The following ZNF704 variants were observed in gnomAD, a reference collection of about 807,000 sequenced individuals.
ZNF704 encodes zinc finger protein 704.
ZNF704 carries 10 observed loss-of-function variants against 44.7 expected under a neutral mutation model. The observed-to-expected ratio is 0.22, with a 90% CI of 0.14 to 0.38. ZNF704 has a LOEUF of 0.38. Ranked by LOEUF, ZNF704 falls within the 10% of genes least tolerant of loss-of-function variation. The pLI, the probability that ZNF704 is intolerant of heterozygous loss-of-function variation, is 1.00. For missense variants in ZNF704, 390 were observed against 545.5 expected (o/e 0.71, Z 2.84); for synonymous variants, 211 against 207.6 (o/e 1.02, Z -0.14).
At chr8:80,838,406 C>T (rs1011533713) in intron 1 of ZNF704, among the ~76,000 whole-genome samples, 5 of 152,102 alleles carry the variant, frequency 3.3e-5, no homozygotes, top group African/African-American at 1.2e-4. Context: ...CCAACTGAAT[C>T]CTTTCTTTCA....
chr8:80,702,648 G>A (rs1225961771), intron 2 of ZNF704, among the ~76,000 whole-genome samples: 2 of 152,114 alleles, frequency 1.3e-5, no homozygotes, highest in Non-Finnish European at 2.9e-5. Flanking sequence ...ATCTTGATGG[G>A]GTCAAAATCA....
chr8:80,645,206 C>T (rs142993231), intron 7 of ZNF704: 30 of 1,562,250 alleles, frequency 1.9e-5, no homozygotes, highest in Admixed American at 1.3e-4. Context: ...AGCCCCGCGC[C>T]GCCAACCTCC....
At chr8:80,643,440 C>A (rs1316207786) in intron 7 of ZNF704, among the ~76,000 whole-genome samples, 4 of 149,860 alleles carry the variant, frequency 2.7e-5, no homozygotes, top group African/African-American at 9.9e-5. Context: ...ACTGCTTGAA[C>A]CCCGGGGCGG....
chr8:80,853,288 G>C (rs1808901340), intron 1 of ZNF704, among the ~76,000 whole-genome samples: 1 of 152,116 alleles, frequency 6.6e-6, no homozygotes, highest in Non-Finnish European at 1.5e-5. Context: ...GGGCCGCTTG[G>C]GCCCAGGAGG....
intron 2 of ZNF704, among the ~76,000 whole-genome samples, chr8:80,740,489 T>G (rs948005776): frequency 6.6e-6 from 1 of 152,162 alleles, no homozygotes; most frequent in Non-Finnish European, 1.5e-5. Flanking sequence ...GCCCAAGGCC[T>G]AGTAAAACCA....
intron 1 of ZNF704, among the ~76,000 whole-genome samples, chr8:80,871,785 A>G (rs929127124): frequency 6.6e-6 from 1 of 152,252 alleles, no homozygotes; most frequent in African/African-American, 2.4e-5. Flanking sequence ...ATCTCTTCAG[A>G]TACAGTGTCT....
chr8:80,723,025 C>T (rs967432620), intron 2 of ZNF704, among the ~76,000 whole-genome samples: 15 of 152,106 alleles, frequency 9.9e-5, no homozygotes, highest in Non-Finnish European at 1.2e-4. Context: ...GAAAGATAAC[C>T]TAGAAATAAT....
At chr8:80,766,134 G>T (rs533293854) in intron 2 of ZNF704, among the ~76,000 whole-genome samples, 10 of 151,842 alleles carry the variant, frequency 6.6e-5, no homozygotes, top group Non-Finnish European at 1.3e-4. Context: ...TATTATTCTA[G>T]TGGGTCTTTA....
At chr8:80,795,623 C>T (rs1008476282) in intron 2 of ZNF704, among the ~76,000 whole-genome samples, 1 of 151,210 alleles carries the variant, frequency 6.6e-6, no homozygotes, top group African/African-American at 2.4e-5. Context: ...GAGGCTGCGG[C>T]AGGAGAGTCA....
rs527352553 is a variant in ZNF704, at chr8:80,693,443, G to A, written c.222-336C>T. On this transcript the variant is annotated intron_variant, in intron 2 of 8. Coordinates refer to ENST00000327835, the MANE Select transcript of ZNF704 (RefSeq NM_001033723.3). Reference sequence around the variant, plus strand: ...CTTGCTTTCATGGAGCCTAGAGGACGGTGGGAAGCAACACACTTATCAGGA... The same window carrying A: ...CTTGCTTTCATGGAGCCTAGAGGACAGTGGGAAGCAACACACTTATCAGGA... 5.3e-5 allele frequency among the ~76,000 whole-genome samples: 8 copies of A among 152,256 alleles called. No homozygotes were observed. The East Asian group carries it at 7.7e-4, about 15-fold the overall frequency.
chr8:80,850,673 A>G (rs1215277891), intron 1 of ZNF704, among the ~76,000 whole-genome samples: 1 of 152,126 alleles, frequency 6.6e-6, no homozygotes, highest in Non-Finnish European at 1.5e-5. Flanking sequence ...CTTAGCTCTA[A>G]TATCATTTAC....
chr8:80,771,205 T>C (rs1396869577), intron 2 of ZNF704, among the ~76,000 whole-genome samples: 1 of 152,188 alleles, frequency 6.6e-6, no homozygotes, highest in African/African-American at 2.4e-5. Flanking sequence ...ACTTTCCATA[T>C]AAATTTTTGA....
chr8:80,704,582 C>T (rs1270680866), intron 2 of ZNF704, among the ~76,000 whole-genome samples: 1 of 152,154 alleles, frequency 6.6e-6, no homozygotes, highest in Non-Finnish European at 1.5e-5. Context: ...GCACCGACCC[C>T]GACCCCAACC....
At position 80,862,096 on chromosome 8, in the gene ZNF704, C is replaced by T. The variant is rs532196725; in HGVS notation, c.-22+12475G>A. Among the ~76,000 whole-genome samples, 14 of 148,188 alleles carry T rather than the reference C, an allele frequency of 9.4e-5. 1 individual carries two copies. Among genetic ancestry groups the T allele is most frequent in the African/African-American group, 2.3e-4 (9 of 39,790 alleles). Reference sequence around the variant, plus strand: ...TTGGCTCACTGCAACCTCTGCCTCCCGGGTTCAAGCAATTCTCCTGTCTCA... The same window carrying T: ...TTGGCTCACTGCAACCTCTGCCTCCTGGGTTCAAGCAATTCTCCTGTCTCA... On this transcript the variant is annotated intron_variant, in intron 1 of 8. Coordinates refer to ENST00000327835, the MANE Select transcript of ZNF704 (RefSeq NM_001033723.3).
At chr8:80,732,952 TAAAAAA>T (rs59640222) in intron 2 of ZNF704, among the ~76,000 whole-genome samples, 1 of 78,658 alleles carries the variant, frequency 1.3e-5, no homozygotes. Context: ...AGACCTTGCC[TAAAAAA>T]AAAAAAAAAA....
chr8:80,629,483 A>T lies in ZNF704; in HGVS notation c.*11883T>A, dbSNP rs1465499282. 6.6e-6 allele frequency: 1 copy of T among 152,242 alleles called. No individual in the cohort carries two copies. The highest frequency in any genetic ancestry group is 1.5e-5 in the Non-Finnish European group (1 of 68,038). The allele number at this position is 152,242 out of a possible 1,614,324, so 9.4% of individuals were successfully genotyped here. A position where few individuals can be genotyped will look rare whatever the true frequency, so the allele number is the denominator to read the frequency against. ...ACTGAAGAGAACCAGAATGACAGAA[A>T]TGGAGTTCTTTATTTCCACATTGTC... On this transcript the variant is annotated 3_prime_UTR_variant, in exon 9 of 9. Coordinates refer to ENST00000327835, the MANE Select transcript of ZNF704 (RefSeq NM_001033723.3).
chr8:80,642,845 T>C (rs1487069092), intron 8 of ZNF704, among the ~76,000 whole-genome samples, 190 bp downstream of exon 8: 2 of 152,184 alleles, frequency 1.3e-5, no homozygotes, highest in East Asian at 1.9e-4. Context: ...TTGTAAATCA[T>C]TACCCCCCGA....
intron 2 of ZNF704, among the ~76,000 whole-genome samples, chr8:80,699,026 TA>T (rs1040729810): frequency 2.6e-5 from 4 of 152,174 alleles, no homozygotes; most frequent in Admixed American, 6.5e-5. Flanking sequence ...CAAATGGAAG[TA>T]AAAATGAATA....
chr8:80,688,004 G>A (rs1483414745), intron 3 of ZNF704, among the ~76,000 whole-genome samples: 3 of 152,050 alleles, frequency 2.0e-5, no homozygotes, highest in South Asian at 4.2e-4. Flanking sequence ...CCAGGAATTC[G>A]AGGCCAGCCT....
Sources: allele counts gnomAD v4.1 joint callset (sites outside exome capture counted in the v4.1 genomes callset), GRCh38; gene constraint gnomAD v4.1.1; transcripts MANE v1.5; gene names NCBI Gene and HGNC (gene_info 2026-07-23, HGNC 2026-07-21).